Variants in CRKL observed in about 807,000 individuals in gnomAD.
CRKL encodes the protein crk-like protein.
A neutral mutation model predicts 23.0 loss-of-function variants in CRKL; 3 were observed. The ratio of observed to expected loss-of-function variants is 0.13; its 90% CI spans 0.06 to 0.34. CRKL has a LOEUF of 0.34. Ranked by LOEUF, CRKL falls within the 10% of genes least tolerant of loss-of-function variation. The pLI, the probability that CRKL is intolerant of heterozygous loss-of-function variation, is 1.00. For missense variants in CRKL, 256 were observed against 394.5 expected, an observed-to-expected ratio of 0.65 and a Z score of 2.97; for synonymous variants, 188 against 160.7, an observed-to-expected ratio of 1.17 and a Z score of -1.28.
At chr22:20,932,669 A>T (rs1601678810) in intron 1 of CRKL, among the ~76,000 whole-genome samples, 1 of 152,130 alleles carries the variant, frequency 6.6e-6, no homozygotes, top group Non-Finnish European at 1.5e-5. Context: ...GATGGAGTGT[A>T]TGTGTGTGTG....
chr22:20,932,179 G>C (rs1353210809), intron 1 of CRKL, among the ~76,000 whole-genome samples: 5 of 152,060 alleles, frequency 3.3e-5, no homozygotes, highest in Non-Finnish European at 7.3e-5. Flanking sequence ...TGCAGTCATA[G>C]CTCACTGCAG....
At chr22:20,927,427 G>C (rs924986360) in intron 1 of CRKL, among the ~76,000 whole-genome samples, 1 of 149,580 alleles carries the variant, frequency 6.7e-6, no homozygotes, top group African/African-American at 2.5e-5. Context: ...CCTGACCTCA[G>C]GTGATCCAAT....
chr22:20,944,682 C>T (rs1293414534), intron 2 of CRKL, among the ~76,000 whole-genome samples: 2 of 152,016 alleles, frequency 1.3e-5, no homozygotes, highest in Non-Finnish European at 2.9e-5. Context: ...GGATTACAGG[C>T]ATGAGCCACC....
rs533959023 is a variant in CRKL, at chr22:20,951,317, G to A, written c.*1472G>A. 7.3e-5 allele frequency: 17 copies of A among 231,936 alleles called. No individual in the cohort carries two copies. The highest frequency in any genetic ancestry group is 1.8e-4 in the South Asian group (1 of 5,524). The allele number at this position is 231,936 out of a possible 1,614,324, so 14.4% of individuals were successfully genotyped here. ...AAGGAAATGCAAGCTCTGGAAATTC[G>A]TTAATGTATTTGATGTCTTAGTGTT... On this transcript the variant is annotated 3_prime_UTR_variant, in exon 3 of 3. Coordinates refer to ENST00000354336, the MANE Select transcript of CRKL (RefSeq NM_005207.4).
intron 2 of CRKL, among the ~76,000 whole-genome samples, chr22:20,941,285 A>G (rs989351225): frequency 6.0e-5 from 9 of 150,936 alleles, no homozygotes; most frequent in African/African-American, 2.2e-4. Flanking sequence ...TGCCCGAGGA[A>G]TCATTTCCAC....
chr22:20,917,712 C>G lies in CRKL; in HGVS notation c.-223C>G. The G allele has an allele frequency of 1.7e-6, 1 of 575,944 alleles. No individual in the cohort carries two copies. The highest frequency in any genetic ancestry group is 3.0e-6 in the Non-Finnish European group (1 of 329,778). 35.7% of individuals were successfully genotyped at this position (575,944 alleles called of 1,614,324 possible). On this transcript the variant is annotated 5_prime_UTR_variant, in exon 1 of 3. Transcript: ENST00000354336. Reference sequence around the variant, plus strand: ...GACCCCCCGGCTCTGCCGTGCATTCCCGGGCGGCTCTCTCCGTGTGGCGGC... The same window carrying G: ...GACCCCCCGGCTCTGCCGTGCATTCGCGGGCGGCTCTCTCCGTGTGGCGGC...
At position 20,925,305 on chromosome 22, in the gene CRKL, A is replaced by T. The variant is rs1921159144; in HGVS notation, c.311+7060A>T. On this transcript the variant is annotated intron_variant, in intron 1 of 2. Coordinates refer to ENST00000354336, the MANE Select transcript of CRKL (RefSeq NM_005207.4). ...ACCTAAATTTTTCCTTTTGATCTGA[A>T]TGATTAGACTAGATTTCTGAGGGTC... Among the ~76,000 whole-genome samples, 3 of 151,956 alleles carry T rather than the reference A, an allele frequency of 2.0e-5. No individual in the cohort carries two copies. In the South Asian group the frequency reaches 6.2e-4, roughly 32 times the overall value.
intron 1 of CRKL, among the ~76,000 whole-genome samples, chr22:20,924,415 A>G (rs1384849336): frequency 6.6e-6 from 1 of 152,208 alleles, no homozygotes; most frequent in Non-Finnish European, 1.5e-5. Flanking sequence ...TAATTATTTA[A>G]GAACTCAAAT....
chr22:20,935,549 C>T (rs1473868170), intron 2 of CRKL, among the ~76,000 whole-genome samples: 2 of 139,386 alleles, frequency 1.4e-5, no homozygotes, highest in African/African-American at 5.4e-5. Context: ...GACAGAGTCT[C>T]GCTCTATTGC....
intron 1 of CRKL, among the ~76,000 whole-genome samples, chr22:20,929,452 A>C (rs1239698180): frequency 6.6e-6 from 1 of 150,916 alleles, no homozygotes; most frequent in Non-Finnish European, 1.5e-5. Flanking sequence ...GGCGTGAGCC[A>C]CTGCACCTGC....
At position 20,953,424 on chromosome 22, in the gene CRKL, A is replaced by AAACAACAAC. The variant is rs55778752; in HGVS notation, c.*3599_*3607dup. ...TAGACGGTCTTCACTGTGTGTTTTA[A>AAACAACAAC]AACAACAACAACAACAACAACAACA... is the stretch of plus-strand genomic sequence containing the variant. On this transcript the variant is annotated 3_prime_UTR_variant, in exon 3 of 3. Transcript: ENST00000354336. 178 of 227,968 alleles carry AAACAACAAC rather than the reference A, an allele frequency of 7.8e-4. No homozygotes were observed. The highest frequency in any genetic ancestry group is 4.1e-3 in the South Asian group (22 of 5,424). The allele number at this position is 227,968 out of a possible 1,614,324, so 14.1% of individuals were successfully genotyped here.
At chr22:20,946,352 C>T (rs1223419819) in intron 2 of CRKL, among the ~76,000 whole-genome samples, 1 of 152,092 alleles carries the variant, frequency 6.6e-6, no homozygotes, top group Non-Finnish European at 1.5e-5. Flanking sequence ...TACCCTCTTG[C>T]CATTTAACTC....
chr22:20,934,894 A>G (rs1476158318), intron 2 of CRKL, among the ~76,000 whole-genome samples: 1 of 146,314 alleles, frequency 6.8e-6, no homozygotes, highest in Non-Finnish European at 1.5e-5. Flanking sequence ...GCTCACTGCA[A>G]GCTCCACCTC....
At position 20,918,179 on chromosome 22, in the gene CRKL, C is replaced by T. The variant is rs1327554664; in HGVS notation, c.245C>T (p.Pro82Leu). ...GGGGACCAGGAATTTGACCATTTGC[C>T]GGCCCTGCTGGAGTTTTACAAGATC... ...KIGDQEFDHL[P>L]ALLEFYKIHY... The change falls in exon 1 of 3, where the codon CCG (proline) becomes CTG (leucine). Residue 82 changes from proline to leucine, a missense_variant. By Grantham distance (98) the Pro-to-Leu change is moderately conservative (BLOSUM62 -3). Transcript: ENST00000354336. The T allele has an allele frequency of 6.2e-7, 1 of 1,614,150 alleles. No homozygotes were observed.
At chr22:20,945,347 A>C (rs1484250763) in intron 2 of CRKL, among the ~76,000 whole-genome samples, 2 of 151,974 alleles carry the variant, frequency 1.3e-5, no homozygotes, top group African/African-American at 2.4e-5. Flanking sequence ...ACTGATATCT[A>C]TGTGTTGATC....
rs577728526 is a variant in CRKL, at chr22:20,921,223, C to T, written c.311+2978C>T. On this transcript the variant is annotated intron_variant, in intron 1 of 2. Coordinates refer to ENST00000354336, the MANE Select transcript of CRKL (RefSeq NM_005207.4). ...AAAGCCAGAGTTTCATGCCTCTTGG[C>T]TAATATTTTGGTTTATCTTGCATAG... Among the ~76,000 whole-genome samples, 131 of 152,268 alleles carry T rather than the reference C, an allele frequency of 8.6e-4. 3 individuals are homozygous for T. The South Asian group carries it at 0.023, about 27-fold the overall frequency.
chr22:20,948,698 C>G (rs1569138937), intron 2 of CRKL, among the ~76,000 whole-genome samples: 1 of 148,940 alleles, frequency 6.7e-6, no homozygotes, highest in East Asian at 1.9e-4. Context: ...TGTAGTCTTG[C>G]TGCGTTGCGC....
chr22:20,920,206 A>G (rs1445167812), intron 1 of CRKL, among the ~76,000 whole-genome samples: 1 of 152,160 alleles, frequency 6.6e-6, no homozygotes, highest in African/African-American at 2.4e-5. Flanking sequence ...CAGCTGTTTC[A>G]AAAAGCAAGT....
rs888463667 is a variant in CRKL, at chr22:20,918,010, A to G, written c.76A>G (p.Thr26Ala). Reference sequence around the variant, plus strand: ...GCCGGTGTCTCGCCAGGAGGCGCAGACCCGGCTCCAGGGCCAGCGCCACGG... The same window carrying G: ...GCCGGTGTCTCGCCAGGAGGCGCAGGCCCGGCTCCAGGGCCAGCGCCACGG... Reference protein sequence around the residue: ...MGPVSRQEAQTRLQGQRHGMF... With the variant: ...MGPVSRQEAQARLQGQRHGMF... The change falls in exon 1 of 3, where the codon ACC becomes GCC. Residue 26 changes from threonine to alanine, a missense_variant. Coordinates refer to ENST00000354336, the MANE Select transcript of CRKL (RefSeq NM_005207.4). 24 of 1,613,812 alleles carry G rather than the reference A, an allele frequency of 1.5e-5. No individual in the cohort carries two copies. The highest frequency in any genetic ancestry group is 1.6e-4 in the Middle Eastern group (1 of 6,084).
Sources: allele counts gnomAD v4.1 joint callset (sites outside exome capture counted in the v4.1 genomes callset), GRCh38; gene constraint gnomAD v4.1.1; transcripts MANE v1.5; gene names NCBI Gene and HGNC (gene_info 2026-07-23, HGNC 2026-07-21).